The following LHFPL3 variants were observed in gnomAD, a reference collection of about 807,000 sequenced individuals.
LHFPL3 encodes LHFPL tetraspan subfamily member 3.
In LHFPL3, 5 loss-of-function variants were observed where a neutral mutation model predicts 19.3. The ratio of observed to expected loss-of-function variants is 0.26; its 90% CI spans 0.14 to 0.54. The LOEUF is 0.54. LHFPL3 is among the 20% of genes least tolerant of loss of function. The pLI is 0.94. For missense variants in LHFPL3, 249 were observed against 307.4 expected (o/e 0.81, Z 1.42); for synonymous variants, 133 against 126.2 (o/e 1.05, Z -0.36).
intron 2 of LHFPL3, among the ~76,000 whole-genome samples, chr7:104,889,961 C>A (rs892945208): frequency 1.3e-5 from 2 of 152,100 alleles, no homozygotes; most frequent in African/African-American, 4.8e-5. Context: ...ATTATATTTC[C>A]TAGAGATCTT....
chr7:104,383,418 T>C (rs1205616059), intron 1 of LHFPL3, among the ~76,000 whole-genome samples: 1 of 152,216 alleles, frequency 6.6e-6, no homozygotes, highest in Non-Finnish European at 1.5e-5. Flanking sequence ...CACATAGTAA[T>C]TGGTTCCTGC....
intron 1 of LHFPL3, among the ~76,000 whole-genome samples, chr7:104,677,594 G>A (rs777444565): frequency 1.3e-5 from 2 of 152,170 alleles, no homozygotes; most frequent in Non-Finnish European, 2.9e-5. Flanking sequence ...AATTACAGAA[G>A]AAGAAGCTAG....
chr7:104,650,459 G>T (rs142365632), intron 1 of LHFPL3, among the ~76,000 whole-genome samples: 1 of 152,336 alleles, frequency 6.6e-6, no homozygotes, highest in Non-Finnish European at 1.5e-5. Context: ...GTGAGAGTTA[G>T]CTAGTTAAAT....
intron 2 of LHFPL3, among the ~76,000 whole-genome samples, chr7:104,882,541 C>T (rs1427640558): frequency 2.0e-5 from 3 of 152,170 alleles, no homozygotes; most frequent in Admixed American, 2.0e-4. Flanking sequence ...AGCCACTGTG[C>T]CCAGCCTGTA....
chr7:104,859,906 T>C (rs1017366613), intron 2 of LHFPL3, among the ~76,000 whole-genome samples: 2 of 152,212 alleles, frequency 1.3e-5, no homozygotes, highest in Admixed American at 6.5e-5. Context: ...TGGTAGGAGA[T>C]GTTGATAGTG....
rs1286943057 is a variant in LHFPL3, at chr7:104,865,783, C to T, written c.683-40404C>T. On this transcript the variant is annotated intron_variant, in intron 2 of 2. Transcript: ENST00000424859. Reference sequence around the variant, plus strand: ...CAAGACACATAATTCTCAGATTCACCAAAATTGAAATGAAGGAAAAAATGT... The same window carrying T: ...CAAGACACATAATTCTCAGATTCACTAAAATTGAAATGAAGGAAAAAATGT... Among the ~76,000 whole-genome samples, 6 of 152,150 alleles carry T rather than the reference C, an allele frequency of 3.9e-5. No individual in the cohort carries two copies. The East Asian group carries it at 9.6e-4, about 24-fold the overall frequency.
At chr7:104,820,688 T>G (rs563567887) in intron 2 of LHFPL3, among the ~76,000 whole-genome samples, 42 of 152,168 alleles carry the variant, frequency 2.8e-4, no homozygotes, top group Non-Finnish European at 5.7e-4. Flanking sequence ...CTCCCCTCAC[T>G]CTCAGTCTGA....
intron 1 of LHFPL3, among the ~76,000 whole-genome samples, chr7:104,535,568 T>G (rs2115858062): frequency 1.3e-5 from 2 of 152,350 alleles, no homozygotes; most frequent in East Asian, 3.9e-4. Context: ...TGTTCTGTTC[T>G]GATGGGGAGT....
chr7:104,824,869 C>A (rs542908173), intron 2 of LHFPL3, among the ~76,000 whole-genome samples: 2 of 129,004 alleles, frequency 1.6e-5, no homozygotes, highest in African/African-American at 2.9e-5. Flanking sequence ...TATATATTAT[C>A]TAATAATTAT....
intron 1 of LHFPL3, among the ~76,000 whole-genome samples, chr7:104,549,780 G>A (rs557956763): frequency 3.9e-5 from 6 of 152,286 alleles, no homozygotes; most frequent in African/African-American, 1.2e-4. Flanking sequence ...GGGCACTGGG[G>A]ATACATTGAT....
At chr7:104,469,588 A>G (rs1792865419) in intron 1 of LHFPL3, among the ~76,000 whole-genome samples, 1 of 152,120 alleles carries the variant, frequency 6.6e-6, no homozygotes, top group Non-Finnish European at 1.5e-5. Context: ...CTAAATGAAA[A>G]TTTGCATTTC....
chr7:104,632,983 T>C (rs1201575148), intron 1 of LHFPL3, among the ~76,000 whole-genome samples: 1 of 152,206 alleles, frequency 6.6e-6, no homozygotes, highest in Non-Finnish European at 1.5e-5. Flanking sequence ...ACTATACAAG[T>C]AATTGGATAG....
chr7:104,678,427 G>A (rs1460861794), intron 1 of LHFPL3, among the ~76,000 whole-genome samples: 1 of 152,114 alleles, frequency 6.6e-6, no homozygotes, highest in African/African-American at 2.4e-5. Context: ...ACCCCAAGGT[G>A]ACCACTTAAA....
intron 2 of LHFPL3, among the ~76,000 whole-genome samples, chr7:104,825,641 T>C (rs567720513): frequency 6.6e-6 from 1 of 152,074 alleles, no homozygotes; most frequent in African/African-American, 2.4e-5. Context: ...CTTCAAATAG[T>C]ATGAAATCTA....
chr7:104,478,175 T>G (rs1362016891), intron 1 of LHFPL3, among the ~76,000 whole-genome samples: 1 of 151,972 alleles, frequency 6.6e-6, no homozygotes, highest in African/African-American at 2.4e-5. Flanking sequence ...CAAAAAAGAC[T>G]TTTTTTTATT....
intron 1 of LHFPL3, among the ~76,000 whole-genome samples, chr7:104,635,668 GT>G (rs1220549427): frequency 1.2e-4 from 18 of 152,142 alleles, no homozygotes; most frequent in Admixed American, 1.2e-3. Context: ...TTCTCAAGAA[GT>G]TACTGAAGAA....
At chr7:104,663,442 C>A (rs4559178) in intron 1 of LHFPL3, among the ~76,000 whole-genome samples, 150,891 of 152,334 alleles carry the variant, frequency 0.99, 74,739 homozygotes, top group East Asian at 1. Flanking sequence ...TTCTGGCTGG[C>A]ATTCCCCAGC....
At chr7:104,585,668 G>T (rs921858984) in intron 1 of LHFPL3, among the ~76,000 whole-genome samples, 1 of 152,086 alleles carries the variant, frequency 6.6e-6, no homozygotes, top group Admixed American at 6.6e-5. Context: ...ACCTTTGGCT[G>T]AGCCCTGGAA....
At chr7:104,414,867 C>T (rs1791592848) in intron 1 of LHFPL3, among the ~76,000 whole-genome samples, 1 of 152,140 alleles carries the variant, frequency 6.6e-6, no homozygotes, top group African/African-American at 2.4e-5. Context: ...TTTTAGTCAC[C>T]ATTCCAAATG....
Sources: gnomAD v4.1 joint callset for allele counts (sites outside exome capture counted in the v4.1 genomes callset) on GRCh38, gnomAD v4.1.1 for gene constraint, MANE v1.5 for transcripts, NCBI Gene and HGNC (gene_info 2026-07-23, HGNC 2026-07-21) for gene names.